TMEM272: variants seen among roughly 807,000 people sequenced by gnomAD.
The protein encoded by TMEM272 is long intergenic non-protein coding RNA 282.
Under a neutral mutation model 3.7 loss-of-function variants are expected in TMEM272, and 8 were observed. The ratio of observed to expected loss-of-function variants is 2.17; its 90% CI spans 1.27 to 3.91. TMEM272 has a LOEUF of 3.91. Ranked by LOEUF, TMEM272 falls within the 30% of genes most tolerant of loss-of-function variation. The pLI, the probability that TMEM272 is intolerant of heterozygous loss-of-function variation, is 0.00. For synonymous variants in TMEM272, 63 were observed against 39.8 expected (o/e 1.58, Z -2.20); for missense variants, 166 against 91.5 (o/e 1.81, Z -3.32).
At chr13:51,841,134 G>T (rs1956259661) in intron 1 of TMEM272, among the ~76,000 whole-genome samples, 2 of 152,220 alleles carry the variant, frequency 1.3e-5, no homozygotes, top group African/African-American at 4.8e-5. Context: ...GATAAGCCCA[G>T]TTATCTAAAG....
At chr13:51,905,980 A>T in the TMEM272 span, among the ~76,000 whole-genome samples, 4 of 152,166 alleles carry the variant, frequency 2.6e-5, no homozygotes, top group African/African-American at 9.7e-5. Flanking sequence ...AAGCTCCACC[A>T]CTGCACAGCA....
intron 2 of TMEM272, among the ~76,000 whole-genome samples, chr13:51,826,842 C>A (rs993008811): frequency 6.6e-6 from 1 of 152,212 alleles, no homozygotes; most frequent in Non-Finnish European, 1.5e-5. Context: ...CTCTCGTGAT[C>A]ACTTTGCCGA....
the TMEM272 span, among the ~76,000 whole-genome samples, chr13:51,906,710 C>G: frequency 8.2e-4 from 125 of 152,228 alleles, 1 homozygote; most frequent in Admixed American, 3.6e-3. Context: ...CCTGCCAGCA[C>G]AGGCAGGCAC....
the TMEM272 span, among the ~76,000 whole-genome samples, chr13:51,882,980 C>T: frequency 6.6e-6 from 1 of 152,182 alleles, no homozygotes; most frequent in Non-Finnish European, 1.5e-5. Context: ...CACCATGCCC[C>T]CAGGCTCAGC....
the TMEM272 span, chr13:51,909,874 T>G: frequency 3.1e-6 from 5 of 1,595,748 alleles, no homozygotes; most frequent in Non-Finnish European, 4.3e-6. Context: ...GCGTGTACTT[T>G]GGAGTCTTCA....
At chr13:51,846,435 C>T (rs1204055312), upstream of TMEM272, among the ~76,000 whole-genome samples, 1 of 152,162 alleles carries the variant, frequency 6.6e-6, no homozygotes, top group Non-Finnish European at 1.5e-5. Flanking sequence ...TACTGCACTG[C>T]CAATCACATA....
At position 51,842,264 on chromosome 13, in the gene TMEM272, A is replaced by G. The variant is rs753307375; in HGVS notation, c.-24+2752T>C. Among the ~76,000 whole-genome samples, 107 of 152,344 alleles carry G rather than the reference A, an allele frequency of 7.0e-4. 1 individual carries two copies. Among genetic ancestry groups the G allele is most frequent in the Non-Finnish European group, 1.2e-3 (85 of 68,036 alleles). ...TTTCATTTCCACTTTATACCCAAAT[A>G]TTGCCTTGCCTTTTCCCCCATTAGC... On this transcript the variant is annotated intron_variant, in intron 1 of 4. Transcript: ENST00000629372.
At chr13:51,839,060 GC>G (rs1442506427) in intron 1 of TMEM272, among the ~76,000 whole-genome samples, 6 of 151,974 alleles carry the variant, frequency 3.9e-5, no homozygotes, top group Non-Finnish European at 5.9e-5. Flanking sequence ...GAGCAAGGGC[GC>G]CCTCACTTCC....
the TMEM272 span, among the ~76,000 whole-genome samples, chr13:51,911,732 G>A: frequency 2.6e-5 from 4 of 152,178 alleles, no homozygotes; most frequent in Admixed American, 1.3e-4. Flanking sequence ...TGACCTGACA[G>A]TGGGTGTTCA....
At chr13:51,909,773 T>C in the TMEM272 span, 1 of 1,576,376 alleles carries the variant, frequency 6.3e-7, no homozygotes, top group East Asian at 2.2e-5. Flanking sequence ...CCGTTATGTC[T>C]TCTTCCAGCA....
chr13:51,900,129 A>G, the TMEM272 span, among the ~76,000 whole-genome samples: 1 of 152,066 alleles, frequency 6.6e-6, no homozygotes, highest in Non-Finnish European at 1.5e-5. Context: ...GCAAAAAAAG[A>G]AAAAAAATGT....
chr13:51,846,120 C>T (rs1886320), upstream of TMEM272, among the ~76,000 whole-genome samples: 2 of 151,974 alleles, frequency 1.3e-5, no homozygotes, highest in African/African-American at 2.4e-5. Context: ...GGCACCTCTC[C>T]GGGCTCACTC....
the TMEM272 span, chr13:51,865,423 C>T: frequency 3.7e-5 from 60 of 1,610,608 alleles, no homozygotes; most frequent in Non-Finnish European, 4.8e-5. Flanking sequence ...TGTTTTCCTT[C>T]AAGGTGAGCA....
the TMEM272 span, among the ~76,000 whole-genome samples, chr13:51,929,766 T>C: frequency 6.6e-6 from 1 of 152,350 alleles, no homozygotes; most frequent in South Asian, 2.1e-4. Flanking sequence ...TAAGGCTTCA[T>C]CCCGTCTGTG....
chr13:51,880,275 CAAAAA>C, the TMEM272 span, among the ~76,000 whole-genome samples: 824 of 129,304 alleles, frequency 6.4e-3, 5 homozygotes, highest in Middle Eastern at 0.021. Flanking sequence ...TTCCTTTCAC[CAAAAA>C]AAAAAAAAAA....
chr13:51,921,374 C>T, the TMEM272 span: 6 of 152,222 alleles, frequency 3.9e-5, no homozygotes, highest in African/African-American at 1.4e-4. Flanking sequence ...CTCCAGGAGG[C>T]TCCCAAAGTC....
At chr13:51,897,362 ATTTTTTTTTTTTTTTTTTT>A in the TMEM272 span, among the ~76,000 whole-genome samples, 5 of 82,408 alleles carry the variant, frequency 6.1e-5, no homozygotes, top group South Asian at 4.2e-4. Context: ...TGTCTGGCTA[ATTTTTTTTTTTTTTTTTTT>A]TTTTTTTTTT....
intron 2 of TMEM272, among the ~76,000 whole-genome samples, chr13:51,837,690 A>G (rs35738901): frequency 0.095 from 14,422 of 152,256 alleles, 1,951 homozygotes; most frequent in African/African-American, 0.3. Flanking sequence ...GCAGCAGTGC[A>G]GGAAACGTCA....
At chr13:51,908,494 T>C in the TMEM272 span, 10 of 1,520,536 alleles carry the variant, frequency 6.6e-6, no homozygotes, top group African/African-American at 1.4e-5. Context: ...CCTCTTCTCA[T>C]GAACGGGCCC....
Sources: allele counts gnomAD v4.1 joint callset (sites outside exome capture counted in the v4.1 genomes callset), GRCh38; gene constraint gnomAD v4.1.1; transcripts MANE v1.5; gene names NCBI Gene and HGNC (gene_info 2026-07-23, HGNC 2026-07-21).